Variants in SPIDR observed in about 807,000 individuals in gnomAD.
SPIDR encodes the protein scaffold protein involved in DNA repair, also known as DNA repair-scaffolding protein.
In SPIDR, 93 loss-of-function variants were observed where a neutral mutation model predicts 104.6. The observed-to-expected ratio is 0.89, with a 90% CI of 0.75 to 1.06. The LOEUF is 1.06. Among genes scored for constraint, SPIDR ranks in the 50% least tolerant of loss-of-function variants. The pLI is 0.00. For missense variants in SPIDR, 1,154 were observed against 1,111.2 expected (o/e 1.04, Z -0.55); for synonymous variants, 431 against 416.9 (o/e 1.03, Z -0.41).
chr8:47,520,297 G>T (rs907280033), intron 8 of SPIDR, among the ~76,000 whole-genome samples: 2 of 152,124 alleles, frequency 1.3e-5, no homozygotes, highest in Non-Finnish European at 2.9e-5. Flanking sequence ...TTGAACGTGT[G>T]TAAGCCCCAT....
rs978512493 is a variant in SPIDR at position 47,470,883 on chromosome 8, C to T, written c.1097+30341C>T. ...CCAAGCAGCTGGGACTACAGGTGCC[C>T]GCCACCACGCCCAGCTAATTTTTTG... On this transcript the variant is annotated intron_variant, in intron 8 of 19. Coordinates refer to ENST00000297423, the MANE Select transcript of SPIDR (RefSeq NM_001080394.4). Among the ~76,000 whole-genome samples, 37 of 151,874 alleles carry T rather than the reference C, an allele frequency of 2.4e-4. 1 individual carries two copies. The highest frequency in any genetic ancestry group is 6.3e-4 in the African/African-American group (26 of 41,340).
intron 1 of SPIDR, among the ~76,000 whole-genome samples, chr8:47,277,279 GTTTTA>G (rs1225007046): frequency 0.034 from 5,114 of 151,292 alleles, 141 homozygotes; most frequent in Middle Eastern, 0.066. Flanking sequence ...GATCTTGGTG[GTTTTA>G]TTTTATTTTA....
intron 10 of SPIDR, among the ~76,000 whole-genome samples, chr8:47,614,075 A>C (rs1259847918): frequency 6.6e-6 from 1 of 151,958 alleles, no homozygotes; most frequent in Non-Finnish European, 1.5e-5. Context: ...CTGTGTCCAT[A>C]AGTTCTCATT....
intron 14 of SPIDR, among the ~76,000 whole-genome samples, chr8:47,703,068 C>T (rs1401051597): frequency 6.6e-6 from 1 of 152,198 alleles, no homozygotes; most frequent in African/African-American, 2.4e-5. Flanking sequence ...CTGACACTCA[C>T]ACCCCTCACT....
intron 5 of SPIDR, among the ~76,000 whole-genome samples, chr8:47,322,928 G>A (rs558058819): frequency 3.5e-4 from 53 of 152,172 alleles, no homozygotes; most frequent in African/African-American, 1.2e-3. Context: ...TCATACGCCG[G>A]GGCCTGTTGT....
At chr8:47,721,928 G>A (rs55992335) in intron 16 of SPIDR, among the ~76,000 whole-genome samples, 2,930 of 152,236 alleles carry the variant, frequency 0.019, 80 homozygotes, top group African/African-American at 0.067. Context: ...AACTTGATGA[G>A]ATTTTGATTA....
chr8:47,589,008 T>C (rs2060634222), intron 8 of SPIDR, among the ~76,000 whole-genome samples: 1 of 151,478 alleles, frequency 6.6e-6, no homozygotes, highest in Non-Finnish European at 1.5e-5. Flanking sequence ...TTGAGGTATA[T>C]TGGTTTATAG....
chr8:47,550,251 T>C (rs1219922201), intron 8 of SPIDR, among the ~76,000 whole-genome samples: 1 of 152,226 alleles, frequency 6.6e-6, no homozygotes. Context: ...CTATGCAGGC[T>C]CCTTTTTGGT....
chr8:47,513,506 A>G (rs989004411), intron 8 of SPIDR, among the ~76,000 whole-genome samples: 1 of 152,248 alleles, frequency 6.6e-6, no homozygotes, highest in African/African-American at 2.4e-5. Context: ...AACAGCAGTT[A>G]CATTAACAAC....
intron 4 of SPIDR, among the ~76,000 whole-genome samples, chr8:47,292,710 T>C (rs1554570112): frequency 6.7e-4 from 102 of 152,230 alleles, no homozygotes; most frequent in Non-Finnish European, 1.2e-3. Context: ...ACAAAAGTTT[T>C]GTGACGAAAG....
At chr8:47,415,622 A>C (rs1199810484) in intron 7 of SPIDR, among the ~76,000 whole-genome samples, 2 of 152,150 alleles carry the variant, frequency 1.3e-5, no homozygotes, top group East Asian at 3.9e-4. Context: ...TCATCCTTCC[A>C]CTGTGTGAGG....
At chr8:47,517,915 T>C (rs1465804605) in intron 8 of SPIDR, among the ~76,000 whole-genome samples, 1 of 152,258 alleles carries the variant, frequency 6.6e-6, no homozygotes, top group East Asian at 1.9e-4. Context: ...GCTTCTCCTA[T>C]TGTATATTAT....
At chr8:47,342,074 CTG>C (rs1216632713) in intron 5 of SPIDR, among the ~76,000 whole-genome samples, 1 of 152,112 alleles carries the variant, frequency 6.6e-6, no homozygotes, top group Non-Finnish European at 1.5e-5. Flanking sequence ...TTTAAGGAAA[CTG>C]TTAAAGAAGT....
At chr8:47,516,203 C>T (rs1156389784) in intron 8 of SPIDR, among the ~76,000 whole-genome samples, 1 of 152,134 alleles carries the variant, frequency 6.6e-6, no homozygotes, top group Non-Finnish European at 1.5e-5. Flanking sequence ...CTCGGCCTCC[C>T]AAAGTGCTGG....
At chr8:47,410,707 G>C (rs902679097) in intron 7 of SPIDR, among the ~76,000 whole-genome samples, 2 of 151,620 alleles carry the variant, frequency 1.3e-5, no homozygotes, top group South Asian at 2.1e-4. Flanking sequence ...TGTGCACAAC[G>C]TGCAGGTTTC....
At position 47,727,301 on chromosome 8, in the gene SPIDR, G is replaced by T. The variant is rs2084398278; in HGVS notation, c.2435+8G>T. 6.2e-7 allele frequency: 1 copy of T among 1,613,356 alleles called. No homozygotes were observed. The highest frequency in any genetic ancestry group is 8.5e-7 in the Non-Finnish European group (1 of 1,179,494). On this transcript the variant is annotated splice_region_variant and intron_variant, in intron 17 of 19. Coordinates refer to ENST00000297423, the MANE Select transcript of SPIDR (RefSeq NM_001080394.4). The stretch of plus-strand genomic sequence containing the variant: ...ACAGAGGCCGGAAGACAGGTAAGGG[G>T]ACAGGAGCTGTCCTGAAAGCCCTAG...
intron 8 of SPIDR, among the ~76,000 whole-genome samples, chr8:47,530,626 G>A (rs1459883776): frequency 6.6e-6 from 1 of 152,158 alleles, no homozygotes; most frequent in Non-Finnish European, 1.5e-5. Context: ...CCATCAGTGA[G>A]TGAGTGGTGA....
At position 47,464,862 on chromosome 8, in the gene SPIDR, G is replaced by A. The variant is rs927916462; in HGVS notation, c.1097+24320G>A. ...TGCCTCACTGCAACCTCAGCCTCCC[G>A]GGTTCAAGTGATTCTCCTGCCTCAG... On this transcript the variant is annotated intron_variant, in intron 8 of 19. Coordinates refer to ENST00000297423, the MANE Select transcript of SPIDR (RefSeq NM_001080394.4). Among the ~76,000 whole-genome samples, 9 of 152,012 alleles carry A rather than the reference G, an allele frequency of 5.9e-5. No individual in the cohort carries two copies. In the South Asian group the frequency reaches 6.2e-4, roughly 11 times the overall value.
At chr8:47,443,856 C>T (rs1351689388) in intron 8 of SPIDR, among the ~76,000 whole-genome samples, 2 of 151,790 alleles carry the variant, frequency 1.3e-5, no homozygotes, top group African/African-American at 4.8e-5. Context: ...CTGCTTACCC[C>T]GAGGAGCTCA....
Sources: allele counts gnomAD v4.1 joint callset (sites outside exome capture counted in the v4.1 genomes callset), GRCh38; gene constraint gnomAD v4.1.1; transcripts MANE v1.5; gene names NCBI Gene and HGNC (gene_info 2026-07-23, HGNC 2026-07-21).